Variants in GSG1L observed in about 807,000 individuals in gnomAD.
GSG1L encodes germ cell-specific gene 1-like protein.
GSG1L carries 24 observed loss-of-function variants against 42.1 expected under a neutral mutation model. The observed-to-expected ratio is 0.57, with a 90% CI of 0.41 to 0.80. GSG1L has a LOEUF of 0.80. GSG1L is among the 30% of genes least tolerant of loss of function. The probability of loss-of-function intolerance (pLI) is 0.00; values close to 1 mark genes in which losing one functional copy is unlikely to be tolerated. For missense variants in GSG1L, 445 were observed against 472.2 expected (o/e 0.94, Z 0.53); for synonymous variants, 215 against 203.5 (o/e 1.06, Z -0.48).
intron 2 of GSG1L, among the ~76,000 whole-genome samples, chr16:27,924,761 C>T (rs1304640346): frequency 6.6e-6 from 1 of 152,162 alleles, no homozygotes; most frequent in African/African-American, 2.4e-5. Context: ...TCAACAATAT[C>T]ACCACAGAAA....
At position 28,002,668 on chromosome 16, in the gene GSG1L, C is replaced by T. The variant is rs868750333; in HGVS notation, c.350-39465G>A. Among the ~76,000 whole-genome samples the T allele has an allele frequency of 3.9e-5, 6 of 152,082 alleles. No homozygotes were observed. In the South Asian group the frequency reaches 6.2e-4, roughly 16 times the overall value. On this transcript the variant is annotated intron_variant, in intron 1 of 6. Transcript: ENST00000447459. The stretch of plus-strand genomic sequence containing the variant: ...AAAAGAGGCCAGGCGCGGTGGCTCA[C>T]GCCTGTAATCCCAGCATTTTGGGAG...
rs1052538606 is a variant in GSG1L, at chr16:27,830,730, A to G, written c.663-1774T>C. 2.0e-5 allele frequency among the ~76,000 whole-genome samples: 3 copies of G among 152,222 alleles called. No individual in the cohort carries two copies. The East Asian group carries it at 5.8e-4, about 29-fold the overall frequency. ...TGACCATCTGGTGAAAGCTGGTCCA[A>G]TCAGATACTCTCTCCTGAGCAACAA... On this transcript the variant is annotated intron_variant, in intron 4 of 6. Transcript: ENST00000447459.
intron 2 of GSG1L, among the ~76,000 whole-genome samples, chr16:27,955,247 A>G (rs2084990935): frequency 6.6e-6 from 1 of 152,184 alleles, no homozygotes; most frequent in Non-Finnish European, 1.5e-5. Flanking sequence ...TCCATAAAAC[A>G]AAAGCAGGAG....
rs577572670 is a variant in GSG1L, at chr16:27,934,736, A to G, written c.397+28420T>C. On this transcript the variant is annotated intron_variant, in intron 2 of 6. Coordinates refer to ENST00000447459, the MANE Select transcript of GSG1L (RefSeq NM_001109763.2). ...CATTTCGCGGTTGTGCGAGGGTGTC[A>G]CATGCTTAGCCTCTCTGAACCTCAG... Among the ~76,000 whole-genome samples, 7 of 152,254 alleles carry G rather than the reference A, an allele frequency of 4.6e-5. No homozygotes were observed. In the South Asian group the frequency reaches 1.2e-3, roughly 27 times the overall value.
chr16:27,956,343 T>C (rs16977076), intron 2 of GSG1L, among the ~76,000 whole-genome samples: 16,677 of 152,228 alleles, frequency 0.11, 1,179 homozygotes, highest in East Asian at 0.24. Context: ...ATCCTGACAA[T>C]GACCAGAGGA....
chr16:28,017,998 T>C (rs1186808655), intron 1 of GSG1L, among the ~76,000 whole-genome samples: 1 of 152,218 alleles, frequency 6.6e-6, no homozygotes, highest in Non-Finnish European at 1.5e-5. Context: ...ACAGATATGT[T>C]TTAAACATTC....
intron 1 of GSG1L, among the ~76,000 whole-genome samples, chr16:28,035,042 T>C (rs1185425287): frequency 2.0e-5 from 3 of 152,180 alleles, no homozygotes; most frequent in Admixed American, 6.5e-5. Context: ...ATAGACAGTG[T>C]CTTACTCTGT....
intron 1 of GSG1L, among the ~76,000 whole-genome samples, chr16:27,979,686 A>AGAAGGAAGGAAGGAAG (rs1271446807): frequency 4.7e-4 from 19 of 40,064 alleles, no homozygotes; most frequent in African/African-American, 1.2e-3. Flanking sequence ...AGAGAAAGAA[A>AGAAGGAAGGAAGGAAG]GAAGGAAGGA....
At position 27,925,694 on chromosome 16, in the gene GSG1L, G is replaced by A. The variant is rs375984807; in HGVS notation, c.397+37462C>T. 5.2e-4 allele frequency among the ~76,000 whole-genome samples: 79 copies of A among 152,304 alleles called. 1 individual carries two copies. The highest frequency in any genetic ancestry group is 1.8e-3 in the African/African-American group (76 of 41,568). ...CGGGAAGGAGGTGAGAGATTCCACCGATGCAGGAAGGTGAGCTTCACGGAA... is the reference window on the plus strand; with the variant it reads ...CGGGAAGGAGGTGAGAGATTCCACCAATGCAGGAAGGTGAGCTTCACGGAA... On this transcript the variant is annotated intron_variant, in intron 2 of 6. Coordinates refer to ENST00000447459, the MANE Select transcript of GSG1L (RefSeq NM_001109763.2).
rs2084079027 is a variant in GSG1L, at chr16:27,888,535, CTTTCTTTCTTTCTTTCTT to C, written c.398-3915_398-3898del. On this transcript the variant is annotated intron_variant, in intron 2 of 6. Transcript: ENST00000447459. ...TCTTTCTTTCTTTCTTTCTTTCTTT[CTTTCTTTCTTTCTTTCTT>C]TCTTTCTTTCTTTCTTTCTTTCTTT... Among the ~76,000 whole-genome samples the C allele has an allele frequency of 2.9e-4, 8 of 27,338 alleles. 1 individual carries two copies. The highest frequency in any genetic ancestry group is 8.3e-4 in the African/African-American group (8 of 9,650). The allele number at this position is 27,338 out of a possible 152,430, so 17.9% of individuals were successfully genotyped here. A position where few individuals can be genotyped will look rare whatever the true frequency, so the allele number is the denominator to read the frequency against.
intron 2 of GSG1L, among the ~76,000 whole-genome samples, chr16:27,886,778 T>C (rs1160403881): frequency 6.6e-6 from 1 of 152,098 alleles, no homozygotes; most frequent in African/African-American, 2.4e-5. Context: ...CAGGTCACAC[T>C]AGTCATGTGG....
intron 1 of GSG1L, among the ~76,000 whole-genome samples, chr16:28,030,993 T>C (rs1309380596): frequency 4.5e-5 from 5 of 110,092 alleles, no homozygotes; most frequent in Non-Finnish European, 9.0e-5. Context: ...TGCGATGGAA[T>C]GGGATAAGAT....
At chr16:27,980,352 A>G (rs1305762897) in intron 1 of GSG1L, among the ~76,000 whole-genome samples, 2 of 152,118 alleles carry the variant, frequency 1.3e-5, no homozygotes, top group Non-Finnish European at 2.9e-5. Flanking sequence ...TCCATACCCC[A>G]CCAGATGGTG....
At chr16:27,974,035 T>C (rs541538163) in intron 1 of GSG1L, among the ~76,000 whole-genome samples, 1 of 152,200 alleles carries the variant, frequency 6.6e-6, no homozygotes, top group South Asian at 2.1e-4. Flanking sequence ...CTGATTCCCT[T>C]TGAGCTGCTA....
At chr16:27,964,336 A>AAG (rs2085105363) in intron 1 of GSG1L, among the ~76,000 whole-genome samples, 1 of 152,152 alleles carries the variant, frequency 6.6e-6, no homozygotes, top group African/African-American at 2.4e-5. Context: ...AAAAAAAAAA[A>AAG]AAATGTGCAT....
At chr16:27,924,933 CCAG>C (rs2084574568) in intron 2 of GSG1L, among the ~76,000 whole-genome samples, 1 of 152,098 alleles carries the variant, frequency 6.6e-6, no homozygotes, top group African/African-American at 2.4e-5. Context: ...CCCCAGTCTC[CCAG>C]CAACACCGGA....
chr16:27,857,427 C>CAA (rs11401928), intron 3 of GSG1L, among the ~76,000 whole-genome samples: 1,475 of 124,812 alleles, frequency 0.012, 20 homozygotes, highest in African/African-American at 0.029. Flanking sequence ...GACTACATCT[C>CAA]AAAAAAAAAA....
At chr16:27,861,189 G>A (rs1331933913) in intron 3 of GSG1L, among the ~76,000 whole-genome samples, 16 of 152,128 alleles carry the variant, frequency 1.1e-4, no homozygotes, top group Admixed American at 9.8e-4. Flanking sequence ...CCAACATGGT[G>A]AAACCCCGTC....
At chr16:28,035,520 G>T (rs964541858) in intron 1 of GSG1L, among the ~76,000 whole-genome samples, 1 of 152,140 alleles carries the variant, frequency 6.6e-6, no homozygotes, top group African/African-American at 2.4e-5. Context: ...CCCATCACAA[G>T]AGCAGGCAGT....
Sources: gnomAD v4.1 joint callset for allele counts (sites outside exome capture counted in the v4.1 genomes callset) on GRCh38, gnomAD v4.1.1 for gene constraint, MANE v1.5 for transcripts, NCBI Gene and HGNC (gene_info 2026-07-23, HGNC 2026-07-21) for gene names.